The following FTO variants were observed in gnomAD, a reference collection of about 807,000 sequenced individuals.
The protein encoded by FTO is FTO alpha-ketoglutarate dependent dioxygenase.
A neutral mutation model predicts 63.9 loss-of-function variants in FTO; 47 were observed. That is an observed-to-expected ratio of 0.74 (90% CI 0.58 to 0.94). The LOEUF is 0.94. Among genes scored for constraint, FTO ranks in the 40% least tolerant of loss-of-function variants. The probability of loss-of-function intolerance (pLI) is 0.00; values close to 1 mark genes in which losing one functional copy is unlikely to be tolerated. For missense variants in FTO, 562 were observed against 618.1 expected, an observed-to-expected ratio of 0.91 and a Z score of 0.96; for synonymous variants, 207 against 224.4, an observed-to-expected ratio of 0.92 and a Z score of 0.69.
At chr16:53,731,067 A>C (rs2076259948) in intron 1 of FTO, among the ~76,000 whole-genome samples, 1 of 152,170 alleles carries the variant, frequency 6.6e-6, no homozygotes, top group Non-Finnish European at 1.5e-5. Flanking sequence ...AGGTGTCCAG[A>C]TGTTTGTAGA....
At chr16:53,957,735 C>T (rs999083954) in intron 8 of FTO, among the ~76,000 whole-genome samples, 3 of 152,244 alleles carry the variant, frequency 2.0e-5, no homozygotes, top group Non-Finnish European at 2.9e-5. Flanking sequence ...CTCAAATTAT[C>T]AGTAACCTGG....
intron 1 of FTO, among the ~76,000 whole-genome samples, chr16:53,806,398 A>C (rs1454673188): frequency 6.6e-6 from 1 of 152,128 alleles, no homozygotes. Context: ...CTTTCTAGTC[A>C]TTTCCCACCT....
Position 54,119,052 on chromosome 16 carries a change from G to T in FTO, c.*7137G>T, listed in dbSNP as rs1026692870. The T allele has an allele frequency of 3.3e-5, 5 of 152,198 alleles. No homozygotes were observed. The highest frequency in any genetic ancestry group is 1.2e-4 in the African/African-American group (5 of 41,432). The allele number at this position is 152,198 out of a possible 1,614,324, so 9.4% of individuals were successfully genotyped here. A position where few individuals can be genotyped will look rare whatever the true frequency, so the allele number is the denominator to read the frequency against. On this transcript the variant is annotated 3_prime_UTR_variant, in exon 9 of 9. Coordinates refer to ENST00000471389, the MANE Select transcript of FTO (RefSeq NM_001080432.3). ...AAGCCACAGCAGGCTGCCAGGGCTTGGAGAAATAGAAACCTCTCTTGCACA... is the reference window on the plus strand; with the variant it reads ...AAGCCACAGCAGGCTGCCAGGGCTTTGAGAAATAGAAACCTCTCTTGCACA...
intron 1 of FTO, among the ~76,000 whole-genome samples, chr16:53,706,709 T>G (rs1430002047): frequency 6.6e-6 from 1 of 152,150 alleles, no homozygotes; most frequent in Non-Finnish European, 1.5e-5. Flanking sequence ...AGCATAATGG[T>G]TTTTGAGATT....
At chr16:53,792,088 A>AT (rs1567990356) in intron 1 of FTO, among the ~76,000 whole-genome samples, 5 of 150,270 alleles carry the variant, frequency 3.3e-5, no homozygotes, top group South Asian at 2.1e-4. Context: ...AAAAAAAAAA[A>AT]AAAAATAAAA....
At chr16:53,786,719 C>T (rs1006886915) in intron 1 of FTO, among the ~76,000 whole-genome samples, 2 of 152,052 alleles carry the variant, frequency 1.3e-5, no homozygotes, top group Admixed American at 6.5e-5. Flanking sequence ...ATAGCTGGTA[C>T]CCTGAAGCCA....
chr16:54,059,368 C>T (rs75625712), intron 8 of FTO, among the ~76,000 whole-genome samples: 3 of 152,106 alleles, frequency 2.0e-5, no homozygotes, highest in African/African-American at 4.8e-5. Flanking sequence ...CTTTGCAGGG[C>T]CTTTATTTTC....
intron 1 of FTO, among the ~76,000 whole-genome samples, chr16:53,795,449 TTGTG>T (rs66611114): frequency 4.0e-4 from 60 of 149,658 alleles, no homozygotes; most frequent in Non-Finnish European, 1.0e-4. Context: ...GCTAATACAT[TTGTG>T]TGTGTGTGTG....
intron 8 of FTO, among the ~76,000 whole-genome samples, chr16:54,064,431 A>G (rs2085669633): frequency 6.6e-6 from 1 of 152,178 alleles, no homozygotes; most frequent in Non-Finnish European, 1.5e-5. Context: ...TGACCCTATC[A>G]TTCTAACCAT....
chr16:53,830,625 C>T (rs1044913208), intron 3 of FTO, among the ~76,000 whole-genome samples: 4 of 152,148 alleles, frequency 2.6e-5, no homozygotes, highest in South Asian at 2.1e-4. Flanking sequence ...GGCAGCTGGG[C>T]GCGGAGGCTC....
intron 8 of FTO, among the ~76,000 whole-genome samples, chr16:53,956,393 A>AT (rs2082931202): frequency 6.6e-6 from 1 of 152,090 alleles, no homozygotes; most frequent in Admixed American, 6.5e-5. Flanking sequence ...TGTCTTTGGG[A>AT]GAAAATTCTC....
At chr16:54,041,995 C>A (rs1205624342) in intron 8 of FTO, among the ~76,000 whole-genome samples, 2 of 152,166 alleles carry the variant, frequency 1.3e-5, no homozygotes, top group African/African-American at 4.8e-5. Flanking sequence ...TTCTTGTGAC[C>A]TTCGGTTTCT....
rs146547574 is a variant in FTO at position 53,910,717 on chromosome 16, G to A, written c.1239+21766G>A. ...TGCTTGGCTAATTTTCGTAATTTTA[G>A]TAGAGACGAGGTTTCGCCATGTTGG... On this transcript the variant is annotated intron_variant, in intron 7 of 8. Coordinates refer to ENST00000471389, the MANE Select transcript of FTO (RefSeq NM_001080432.3). 3.7e-3 allele frequency among the ~76,000 whole-genome samples: 560 copies of A among 152,208 alleles called. 2 individuals are homozygous for A. Among genetic ancestry groups the A allele is most frequent in the Non-Finnish European group, 6.0e-3 (406 of 68,028 alleles).
chr16:54,033,584 G>A (rs1489703243), intron 8 of FTO, among the ~76,000 whole-genome samples: 2 of 152,136 alleles, frequency 1.3e-5, no homozygotes, highest in African/African-American at 2.4e-5. Context: ...TTGGGAGGCT[G>A]ACACAGGAGG....
intron 1 of FTO, among the ~76,000 whole-genome samples, chr16:53,795,265 T>C (rs899802923): frequency 2.6e-5 from 4 of 152,212 alleles, no homozygotes; most frequent in African/African-American, 9.6e-5. Context: ...TCATTCAGAA[T>C]GTATCATAAA....
intron 8 of FTO, among the ~76,000 whole-genome samples, chr16:54,058,793 CT>C (rs2085503104): frequency 1.3e-5 from 2 of 152,198 alleles, no homozygotes; most frequent in Admixed American, 1.3e-4. Context: ...CCTTTATTTG[CT>C]TTTTTCCCTC....
intron 7 of FTO, among the ~76,000 whole-genome samples, chr16:53,892,599 A>G (rs1048077253): frequency 2.6e-5 from 4 of 152,012 alleles, no homozygotes; most frequent in African/African-American, 7.2e-5. Flanking sequence ...TTTTTTTTGA[A>G]TTGTAAAATC....
At chr16:53,711,498 G>A in intron 1 of FTO, 1 of 398,560 alleles carries the variant, frequency 2.5e-6, no homozygotes, top group Non-Finnish European at 4.4e-6. Context: ...TATCACGGGA[G>A]GACACGGTAG....
At chr16:53,993,740 G>T (rs1252906943) in intron 8 of FTO, 1 of 152,148 alleles carries the variant, frequency 6.6e-6, no homozygotes, top group Admixed American at 6.5e-5. Flanking sequence ...GGAAAATGGG[G>T]TGATGTCACT....
Sources: allele counts gnomAD v4.1 joint callset (sites outside exome capture counted in the v4.1 genomes callset), GRCh38; gene constraint gnomAD v4.1.1; transcripts MANE v1.5; gene names NCBI Gene and HGNC (gene_info 2026-07-23, HGNC 2026-07-21).